Variants in ATP8A2 observed in about 807,000 individuals in gnomAD.
ATP8A2 encodes ATPase phospholipid transporting 8A2, also known as phospholipid-transporting ATPase IB.
A neutral mutation model predicts 165.6 loss-of-function variants in ATP8A2; 100 were observed. The ratio of observed to expected loss-of-function variants is 0.60; its 90% confidence interval spans 0.51 to 0.71. The LOEUF (loss-of-function observed/expected upper bound fraction) is 0.71. Ranked by LOEUF, ATP8A2 falls within the 30% of genes least tolerant of loss-of-function variation. ATP8A2 has a pLI of 0.00. For synonymous variants in ATP8A2, 543 were observed against 548.8 expected, an observed-to-expected ratio of 0.99 and a Z score of 0.15; for missense variants, 1,227 against 1,479.5, an observed-to-expected ratio of 0.83 and a Z score of 2.80.
At chr13:25,424,787 G>A (rs1016574524) in intron 1 of ATP8A2, among the ~76,000 whole-genome samples, 5 of 152,022 alleles carry the variant, frequency 3.3e-5, no homozygotes, top group Admixed American at 6.6e-5. Flanking sequence ...GTAAAACCCC[G>A]TCTCTACTAA....
chr13:25,958,451 C>A (rs368060970), intron 33 of ATP8A2, among the ~76,000 whole-genome samples: 9 of 152,150 alleles, frequency 5.9e-5, no homozygotes, highest in East Asian at 5.8e-4. Context: ...CTTGTTAATG[C>A]GCCTAGTCTG....
chr13:26,025,629 G>C lies in ATP8A2; in HGVS notation c.*5644G>C, dbSNP rs903912501. 7 of 152,224 alleles carry C rather than the reference G, an allele frequency of 4.6e-5. No homozygotes were observed. Among genetic ancestry groups the C allele is most frequent in the African/African-American group, 1.4e-4 (6 of 41,426 alleles). The allele number at this position is 152,224 out of a possible 1,614,324, so 9.4% of individuals were successfully genotyped here. A position where few individuals can be genotyped will look rare whatever the true frequency, so the allele number is the denominator to read the frequency against. The stretch of plus-strand genomic sequence containing the variant: ...TGGGGTTTTTTGTTGCCTCCCTCTA[G>C]AAGTGTTACCGTTTTCACGTCCTAT... On this transcript the variant is annotated 3_prime_UTR_variant, in exon 37 of 37. Coordinates refer to ENST00000381655, the MANE Select transcript of ATP8A2 (RefSeq NM_016529.6).
At chr13:25,464,725 T>C (rs1429038975) in intron 1 of ATP8A2, among the ~76,000 whole-genome samples, 1 of 152,172 alleles carries the variant, frequency 6.6e-6, no homozygotes, top group Non-Finnish European at 1.5e-5. Context: ...GAAAGAGGTC[T>C]GGTTCAAGGG....
At chr13:25,973,336 G>A (rs1443558801) in intron 35 of ATP8A2, among the ~76,000 whole-genome samples, 1 of 152,140 alleles carries the variant, frequency 6.6e-6, no homozygotes, top group Non-Finnish European at 1.5e-5. Context: ...TCACCGCCAG[G>A]GAATTCAGGA....
chr13:25,451,524 T>G (rs2035224074), intron 1 of ATP8A2, among the ~76,000 whole-genome samples: 1 of 152,128 alleles, frequency 6.6e-6, no homozygotes, highest in South Asian at 2.1e-4. Flanking sequence ...TACACCCTCA[T>G]GGTCAGAAAC....
chr13:25,514,722 A>G lies in ATP8A2; in HGVS notation c.222-15277A>G, dbSNP rs546301402. Reference sequence around the variant, plus strand: ...ATTTCCTGTGTGAGCTCCTCTGTGTATGGACTTCAAATACCTCCCTTTGCT... The same window carrying G: ...ATTTCCTGTGTGAGCTCCTCTGTGTGTGGACTTCAAATACCTCCCTTTGCT... On this transcript the variant is annotated intron_variant, in intron 2 of 36. Transcript: ENST00000381655. 3.3e-5 allele frequency among the ~76,000 whole-genome samples: 5 copies of G among 152,146 alleles called. No homozygotes were observed. In the South Asian group the frequency reaches 1.0e-3, roughly 32 times the overall value.
chr13:25,592,343 A>G (rs151154931), intron 24 of ATP8A2, among the ~76,000 whole-genome samples: 89 of 152,080 alleles, frequency 5.9e-4, no homozygotes, highest in African/African-American at 2.1e-3. Flanking sequence ...TGCACATATT[A>G]TGCACTCAGT....
intron 25 of ATP8A2, among the ~76,000 whole-genome samples, chr13:25,718,953 T>C (rs1203232418): frequency 1.3e-5 from 2 of 152,148 alleles, no homozygotes; most frequent in Non-Finnish European, 2.9e-5. Flanking sequence ...AACATACGCG[T>C]GCATGTGGGG....
intron 35 of ATP8A2, among the ~76,000 whole-genome samples, chr13:25,992,812 A>G (rs530940987): frequency 6.7e-4 from 102 of 151,514 alleles, no homozygotes; most frequent in African/African-American, 2.2e-3. Flanking sequence ...AGCATTAGGT[A>G]TATCTCCCAA....
intron 27 of ATP8A2, among the ~76,000 whole-genome samples, chr13:25,823,643 T>TGAGAAACAG (rs1951234741): frequency 6.6e-6 from 1 of 152,164 alleles, no homozygotes. Flanking sequence ...TCTTTGTTAC[T>TGAGAAACAG]TTTTCTGTCT....
At chr13:25,413,812 A>G (rs1171229659) in intron 1 of ATP8A2, among the ~76,000 whole-genome samples, 2 of 152,162 alleles carry the variant, frequency 1.3e-5, no homozygotes, top group Non-Finnish European at 2.9e-5. Flanking sequence ...TCATCATTTC[A>G]GGAGGGCTCT....
intron 24 of ATP8A2, among the ~76,000 whole-genome samples, chr13:25,596,062 G>A (rs2040228926): frequency 6.6e-6 from 1 of 152,202 alleles, no homozygotes; most frequent in South Asian, 2.1e-4. Flanking sequence ...TATGAGAGAA[G>A]AGGTTCTCTT....
intron 36 of ATP8A2, among the ~76,000 whole-genome samples, chr13:26,017,212 C>T (rs1593722089): frequency 6.6e-6 from 1 of 152,222 alleles, no homozygotes; most frequent in East Asian, 1.9e-4. Flanking sequence ...GGAGCAGCCC[C>T]GGGAGTGGTG....
intron 28 of ATP8A2, 63 bp downstream of exon 28, chr13:25,828,255 A>C (rs993976671): frequency 3.1e-6 from 4 of 1,292,692 alleles, no homozygotes; most frequent in African/African-American, 1.5e-5. Flanking sequence ...ACATTCCTTC[A>C]CTGTTTATGT....
At chr13:25,662,765 A>C (rs1213135028) in intron 24 of ATP8A2, among the ~76,000 whole-genome samples, 1 of 152,192 alleles carries the variant, frequency 6.6e-6, no homozygotes, top group Non-Finnish European at 1.5e-5. Flanking sequence ...GGATCTGAGC[A>C]CCTGAAAGGT....
At chr13:25,500,511 A>G (rs1464286577) in intron 2 of ATP8A2, among the ~76,000 whole-genome samples, 1 of 152,222 alleles carries the variant, frequency 6.6e-6, no homozygotes, top group Admixed American at 6.5e-5. Flanking sequence ...TGTTAGAGAA[A>G]TGAACTAAAG....
chr13:25,902,388 A>G (rs1030791912), intron 33 of ATP8A2, among the ~76,000 whole-genome samples: 2 of 152,146 alleles, frequency 1.3e-5, no homozygotes, highest in African/African-American at 4.8e-5. Context: ...ATTTGTCCAA[A>G]TGACGGGTGT....
chr13:25,632,860 T>C (rs1195050262), intron 24 of ATP8A2, among the ~76,000 whole-genome samples: 1 of 152,198 alleles, frequency 6.6e-6, no homozygotes, highest in Non-Finnish European at 1.5e-5. Flanking sequence ...GAAGTTGTGC[T>C]CTGCTCACCC....
intron 30 of ATP8A2, among the ~76,000 whole-genome samples, chr13:25,853,395 A>AT (rs60613793): frequency 0.64 from 68,611 of 107,324 alleles, 18,101 homozygotes; most frequent in South Asian, 0.7. Flanking sequence ...TATCTAAAAA[A>AT]AATATATATA....
Sources: allele counts gnomAD v4.1 joint callset (sites outside exome capture counted in the v4.1 genomes callset), GRCh38; gene constraint gnomAD v4.1.1; transcripts MANE v1.5; gene names NCBI Gene and HGNC (gene_info 2026-07-23, HGNC 2026-07-21).